The following CPXM1 variants were observed in gnomAD, a reference collection of about 807,000 sequenced individuals.
The protein encoded by CPXM1 is carboxypeptidase X, M14 family member 1, also known as probable carboxypeptidase X1.
In CPXM1, 72 loss-of-function variants were observed where a neutral mutation model predicts 80.4. The ratio of observed to expected loss-of-function variants is 0.90; its 90% CI spans 0.74 to 1.09. The LOEUF (loss-of-function observed/expected upper bound fraction) is 1.09. Ranked by LOEUF, CPXM1 falls within the 50% of genes least tolerant of loss-of-function variation. The probability of loss-of-function intolerance (pLI) is 0.00; values close to 1 mark genes in which losing one functional copy is unlikely to be tolerated. For synonymous variants in CPXM1, 403 were observed against 405.6 expected (o/e 0.99, Z 0.08); for missense variants, 892 against 999.4 (o/e 0.89, Z 1.45).
Position 2,796,498 on chromosome 20 carries a change from C to T in CPXM1, c.1045+29G>A, listed in dbSNP as rs1234744097. The T allele has an allele frequency of 6.2e-7, 1 of 1,613,468 alleles. No homozygotes were observed. The highest frequency in any genetic ancestry group is 1.3e-5 in the African/African-American group (1 of 74,932). The stretch of plus-strand genomic sequence containing the variant: ...TCATGCCTGGGGCCCTGCCCTGTGC[C>T]TACCTCTCCCCACTCCCCATGCCAG... On this transcript the variant is annotated intron_variant, in intron 8 of 13. Transcript: ENST00000380605. The surrounding 1 kb of genome is among the most constrained non-coding windows in gnomAD (Gnocchi z 6.8).
Position 2,796,110 on chromosome 20 carries a change from C to T in CPXM1, c.1294G>A (p.Asp432Asn). 4 of 1,613,760 alleles carry T rather than the reference C, an allele frequency of 2.5e-6. No homozygotes were observed. Among genetic ancestry groups the T allele is most frequent in the Non-Finnish European group, 3.4e-6 (4 of 1,179,812 alleles). Residue 432 changes from aspartate to asparagine, a missense_variant, in exon 10 of 14, where the codon GAT becomes AAT. Transcript: ENST00000380605. The surrounding 1 kb of genome is among the most constrained non-coding windows in gnomAD (Gnocchi z 6.8). ...AEGRWNNQSIDLNHNFADLNT... is the reference protein window; with the variant it reads ...AEGRWNNQSINLNHNFADLNT... The stretch of plus-strand genomic sequence containing the variant: ...AGGTCAGCAAAATTATGGTTAAGAT[C>T]GATGCTCTGGTTGTTCCAGCGGCCC...
chr20:2,797,936 A>G (rs2088526851), intron 5 of CPXM1, 32 bp downstream of exon 5: 3 of 1,599,514 alleles, frequency 1.9e-6, no homozygotes, highest in Non-Finnish European at 2.6e-6. Context: ...AACTCCCAGC[A>G]TGGAGGCCCC....
chr20:2,797,837 GACA>G lies in CPXM1; in HGVS notation c.681+128_681+130del, dbSNP rs1282793007. The G allele has an allele frequency of 1.7e-5, 13 of 787,460 alleles. No homozygotes were observed. In the East Asian group the frequency reaches 2.3e-4, roughly 14 times the overall value. The allele number at this position is 787,460 out of a possible 1,614,324, so 48.8% of individuals were successfully genotyped here. A position where few individuals can be genotyped will look rare whatever the true frequency, so the allele number is the denominator to read the frequency against. On this transcript the variant is annotated intron_variant, in intron 5 of 13. Coordinates refer to ENST00000380605, the MANE Select transcript of CPXM1 (RefSeq NM_019609.5). ...GGTGCCTGCCGTGTGCCACCCTCTT[GACA>G]ACAAGCCACACCCCCCTGGGAAGCC...
Position 2,796,720 on chromosome 20 carries a change from T to C in CPXM1, c.922-70A>G. ...ACCCAGGGGCAGATCACATGTGCCA[T>C]GGAAAGACTTAAAAAGTCAGCGATG... is the stretch of plus-strand genomic sequence containing the variant. On this transcript the variant is annotated intron_variant, in intron 7 of 13. Transcript: ENST00000380605. The surrounding 1 kb of genome is among the most constrained non-coding windows in gnomAD (Gnocchi z 6.8). 5 of 1,583,542 alleles carry C rather than the reference T, an allele frequency of 3.2e-6. No individual in the cohort carries two copies. Among genetic ancestry groups the C allele is most frequent in the Admixed American group, 3.4e-5 (2 of 58,334 alleles).
intron 5 of CPXM1, among the ~76,000 whole-genome samples, chr20:2,797,692 C>T (rs976235757): frequency 2.6e-5 from 4 of 152,158 alleles, no homozygotes; most frequent in Non-Finnish European, 4.4e-5. Flanking sequence ...TGATGTGGAC[C>T]AGAGGCCCCG....
chr20:2,798,824 T>G lies in CPXM1; in HGVS notation c.242A>C (p.Lys81Thr). 5 of 1,614,078 alleles carry G rather than the reference T, an allele frequency of 3.1e-6. No homozygotes were observed. The highest frequency in any genetic ancestry group is 4.2e-6 in the Non-Finnish European group (5 of 1,179,978). The part of the protein sequence containing the change: ...KKKVIMKKRK[K>T]LTLTRPTPLV... ...TGGGGTGGGGCGAGTTAGAGTTAGC[T>G]TCTTCCGCTTCTTCATAATGACCTT... The change falls in exon 2 of 14, where the codon AAG (lysine) becomes ACG (threonine). Residue 81 changes from lysine to threonine, a missense_variant. Lys to Thr is a moderately conservative substitution (Grantham distance 78). Coordinates refer to ENST00000380605, the MANE Select transcript of CPXM1 (RefSeq NM_019609.5).
rs1385756192 is a variant in CPXM1 at position 2,798,554 on chromosome 20, A to G, written c.341-17T>C. On this transcript the variant is annotated splice_polypyrimidine_tract_variant and intron_variant, in intron 2 of 13. Coordinates refer to ENST00000380605, the MANE Select transcript of CPXM1 (RefSeq NM_019609.5). ...GAGGACAGCCTGGGGCGGGGATAGA[A>G]CAGTGAGACAGGACCAGAGGGAGGG... The G allele has an allele frequency of 6.2e-7, 1 of 1,605,724 alleles. No individual in the cohort carries two copies. Among genetic ancestry groups the G allele is most frequent in the South Asian group, 1.1e-5 (1 of 90,710 alleles).
Position 2,796,642 on chromosome 20 carries a change from C to T in CPXM1, c.930G>A (p.Lys310=), listed in dbSNP as rs1175365883. The stretch of plus-strand genomic sequence containing the variant: ...TGTTGGGGCATTGCTCTTGTACCTG[C>T]TTCATCAGCTGGTGGGCAGAGTGTA... ...HNYKAMRKLM[K]QVQEQCPNIT... Residue 310 remains lysine (K), a synonymous_variant, in exon 8 of 14, where the codon AAG becomes AAA. Coordinates refer to ENST00000380605, the MANE Select transcript of CPXM1 (RefSeq NM_019609.5). The surrounding 1 kb of genome is among the most constrained non-coding windows in gnomAD (Gnocchi z 6.8). 2.5e-6 allele frequency: 4 copies of T among 1,614,078 alleles called. No individual in the cohort carries two copies. The highest frequency in any genetic ancestry group is 1.7e-5 in the Admixed American group (1 of 60,022).
In CPXM1 at chr20:2,798,748, G is replaced by A; in HGVS notation, c.318C>T (p.Asp106=). ...TACCTGTTTCTTGTTTCTCAGCGGG[G>A]TCGAGGGTCCCTGCTGGAGTGGGGG... ...LVTPTPAGTL[D]PAEKQETGCP... Residue 106 remains aspartate, a synonymous_variant, in exon 2 of 14, where the codon GAC becomes GAT. Transcript: ENST00000380605. 2 of 1,613,074 alleles carry A rather than the reference G, an allele frequency of 1.2e-6. No homozygotes were observed. The highest frequency in any genetic ancestry group is 1.7e-6 in the Non-Finnish European group (2 of 1,179,702).
rs371235618 is a variant in CPXM1 at position 2,798,239 on chromosome 20, T to G, written c.503A>C (p.Gln168Pro). 6 of 1,613,882 alleles carry G rather than the reference T, an allele frequency of 3.7e-6. No individual in the cohort carries two copies. The highest frequency in any genetic ancestry group is 5.1e-6 in the Non-Finnish European group (6 of 1,180,042). ...LYDGAWCAEE[Q>P]DADPWFQVDA... ...CACCTGAAACCATGGATCGGCGTCC[T>G]GCTCCTCAGCACACCAGGCTCCATC... Residue 168 changes from glutamine to proline, a missense_variant, in exon 4 of 14, where the codon CAG (glutamine) becomes CCG (proline). Gln to Pro is a moderately conservative substitution (Grantham distance 76). This residue lies in a region of CPXM1 where 874 missense variants were observed against 958.4 expected (regional missense o/e 0.91). Transcript: ENST00000380605.
chr20:2,799,022 A>G, intron 1 of CPXM1, 129 bp from the exon 2 acceptor site: 1 of 880,318 alleles, frequency 1.1e-6, no homozygotes, highest in Non-Finnish European at 1.8e-6. Flanking sequence ...CAGCCTTCAC[A>G]GGACATCAAA....
intron 1 of CPXM1, among the ~76,000 whole-genome samples, chr20:2,800,106 G>C (rs1335831969): frequency 6.7e-6 from 1 of 148,742 alleles, no homozygotes; most frequent in Non-Finnish European, 1.5e-5. Flanking sequence ...TGCACTGTGA[G>C]TGTGAGTGTG....
Position 2,795,631 on chromosome 20 carries a change from A to G in CPXM1, c.1688T>C (p.Ile563Thr). 3.7e-6 allele frequency: 6 copies of G among 1,613,972 alleles called. No individual in the cohort carries two copies. The highest frequency in any genetic ancestry group is 5.1e-6 in the Non-Finnish European group (6 of 1,179,926). ...SQDFSVHGNI[I>T]NGADWHTVPG... ...GACCGTGTGCCAGTCAGCCCCGTTG[A>G]TGATGTTGCCGTGCACGGAGAAGTC... Residue 563 changes from isoleucine (I) to threonine (T), a missense_variant, in exon 11 of 14, where the codon ATC (isoleucine) becomes ACC (threonine). By Grantham distance (89) the Ile-to-Thr change is moderately conservative. Coordinates refer to ENST00000380605, the MANE Select transcript of CPXM1 (RefSeq NM_019609.5). This position sits in a 1 kb window ranked among gnomAD's most constrained non-coding sequence, Gnocchi z 5.4.
In CPXM1 at chr20:2,794,188, T is replaced by C. The variant is rs2088480055; in HGVS notation, c.*2A>G. 1.2e-6 allele frequency: 2 copies of C among 1,608,240 alleles called. No individual in the cohort carries two copies. The highest frequency in any genetic ancestry group is 1.1e-5 in the South Asian group (1 of 90,302). On this transcript the variant is annotated 3_prime_UTR_variant, in exon 14 of 14. Coordinates refer to ENST00000380605, the MANE Select transcript of CPXM1 (RefSeq NM_019609.5). This position sits in a 1 kb window ranked among gnomAD's most constrained non-coding sequence, Gnocchi z 5.2. ...TGCCCTAGGGCTCTTAAACCGCAGG[T>C]ATCAATCCTTCTGTCCCCTTAGCCG...
Position 2,794,765 on chromosome 20 carries a change from C to A in CPXM1, c.1861-126G>T. The A allele has an allele frequency of 4.7e-6, 3 of 642,692 alleles. No individual in the cohort carries two copies. The highest frequency in any genetic ancestry group is 1.9e-5 in the South Asian group (1 of 53,292). The allele number at this position is 642,692 out of a possible 1,614,324, so 39.8% of individuals were successfully genotyped here. ...GTAGGTCTACTGTGTTCCTAGGTGA[C>A]ACTACTTCTGGAAGAAAAAAAAAAA... On this transcript the variant is annotated intron_variant, in intron 12 of 13. Transcript: ENST00000380605. The surrounding 1 kb of genome is among the most constrained non-coding windows in gnomAD (Gnocchi z 5.2).
rs376564008 is a variant in CPXM1, at chr20:2,795,831, G to A, written c.1488C>T (p.Asn496=). 29 of 1,611,896 alleles carry A rather than the reference G, an allele frequency of 1.8e-5. No individual in the cohort carries two copies. The highest frequency in any genetic ancestry group is 2.0e-5 in the Non-Finnish European group (24 of 1,180,014). Residue 496 remains asparagine, a synonymous_variant, in exon 11 of 14, where the codon AAC becomes AAT. Transcript: ENST00000380605. The surrounding 1 kb of genome is among the most constrained non-coding windows in gnomAD (Gnocchi z 5.4). ...MKRIPFVLSA[N]LHGGELVVSY... ...ACACCACGAGCTCACCCCCGTGGAG[G>A]TTGGCACTTAGCACAAAGGGGATCC...
chr20:2,797,363 G>A, intron 5 of CPXM1, 21 bp from the exon 6 acceptor site: 1 of 1,456,208 alleles, frequency 6.9e-7, no homozygotes, highest in African/African-American at 1.4e-5. Flanking sequence ...CAAGTTCTCT[G>A]TTGTGGCTGC....
chr20:2,794,125 TCTCTA>T lies in CPXM1; in HGVS notation c.*60_*64del. 6.5e-7 allele frequency: 1 copy of T among 1,533,838 alleles called. No individual in the cohort carries two copies. Among genetic ancestry groups the T allele is most frequent in the Non-Finnish European group, 8.8e-7 (1 of 1,141,616 alleles). ...ACCTTTTCCTCACTTTGTCCCTCCC[TCTCTA>T]CTCTTCCCCTTCCCGTCTTGACAGG... On this transcript the variant is annotated 3_prime_UTR_variant, in exon 14 of 14. Coordinates refer to ENST00000380605, the MANE Select transcript of CPXM1 (RefSeq NM_019609.5). The surrounding 1 kb of genome is among the most constrained non-coding windows in gnomAD (Gnocchi z 5.2).
At position 2,795,647 on chromosome 20, in the gene CPXM1, C is replaced by T. The variant is rs538584869; in HGVS notation, c.1672G>A (p.Val558Met). The change falls in exon 11 of 14, where the codon GTG becomes ATG. Residue 558 changes from valine (V) to methionine (M), a missense_variant. Physicochemically the swap from Val to Met is conservative, Grantham distance 21. Around this residue, in one of 2 missense-constraint regions of CPXM1, gnomAD observed 874 missense variants for 958.4 expected, o/e 0.91. Coordinates refer to ENST00000380605, the MANE Select transcript of CPXM1 (RefSeq NM_019609.5). The surrounding 1 kb of genome is among the most constrained non-coding windows in gnomAD (Gnocchi z 5.4). ...RRPCHSQDFS[V>M]HGNIINGADW... ...GCCCCGTTGATGATGTTGCCGTGCA[C>T]GGAGAAGTCCTGGCTGTGGCAGGGT... is the stretch of plus-strand genomic sequence containing the variant. 74 of 1,614,106 alleles carry T rather than the reference C, an allele frequency of 4.6e-5. No homozygotes were observed. Among genetic ancestry groups the T allele is most frequent in the South Asian group, 4.5e-4 (41 of 91,082 alleles).
Sources: allele counts gnomAD v4.1 joint callset (sites outside exome capture counted in the v4.1 genomes callset), GRCh38; gene constraint gnomAD v4.1.1; regional missense constraint gnomAD v4.1.1; non-coding constraint Gnocchi (gnomAD v3.1); transcripts MANE v1.5; gene names NCBI Gene and HGNC (gene_info 2026-07-23, HGNC 2026-07-21).